TARBP1: variants seen among roughly 807,000 people sequenced by gnomAD.
TARBP1 encodes the protein tRNA guanosine 2 -O-methyltransferase TARBP1.
TARBP1 carries 144 observed loss-of-function variants against 178.6 expected under a neutral mutation model. That is an observed-to-expected ratio of 0.81 (90% CI 0.70 to 0.93). TARBP1 has a LOEUF of 0.93. Ranked by LOEUF, TARBP1 falls within the 40% of genes least tolerant of loss-of-function variation. The pLI is 0.00. For missense variants in TARBP1, 2,067 were observed against 2,011.7 expected (o/e 1.03, Z -0.53); for synonymous variants, 787 against 781.0 (o/e 1.01, Z -0.13).
At position 234,472,814 on chromosome 1, in the gene TARBP1, G is replaced by C. The variant is rs1488952135; in HGVS notation, c.932-3C>G. 8.8e-6 allele frequency: 14 copies of C among 1,586,720 alleles called. No individual in the cohort carries two copies. Among genetic ancestry groups the C allele is most frequent in the Non-Finnish European group, 1.2e-5 (14 of 1,172,432 alleles). The stretch of plus-strand genomic sequence containing the variant: ...AGACCACCAAAACAGACTTGGGCCT[G>C]ATATGGTTTAAAAAAGAAAATTAGT... On this transcript the variant is annotated splice_polypyrimidine_tract_variant and splice_region_variant and intron_variant, in intron 1 of 29. Transcript: ENST00000040877.
chr1:234,393,288 CTTTTA>C (rs1237065788), intron 28 of TARBP1, 69 bp downstream of exon 28: 27 of 1,324,518 alleles, frequency 2.0e-5, no homozygotes, highest in Admixed American at 3.0e-5. Flanking sequence ...TTTTTTTAAA[CTTTTA>C]TTTTAGGTTC....
chr1:234,473,437 A>G (rs75859973), intron 1 of TARBP1, among the ~76,000 whole-genome samples: 11,534 of 152,234 alleles, frequency 0.076, 499 homozygotes, highest in African/African-American at 0.12. Context: ...TGCGTCTCTG[A>G]ATTGGGAGGC....
At chr1:234,458,252 G>T (rs1226629709) in intron 8 of TARBP1, among the ~76,000 whole-genome samples, 1 of 152,178 alleles carries the variant, frequency 6.6e-6, no homozygotes, top group Non-Finnish European at 1.5e-5. Context: ...GCTGAGGCAG[G>T]AGAATCACTT....
chr1:234,455,695 T>C lies in TARBP1; in HGVS notation c.1722+1972A>G, dbSNP rs80112415. Among the ~76,000 whole-genome samples, 563 of 152,188 alleles carry C rather than the reference T, an allele frequency of 3.7e-3. 3 individuals carry two copies. The highest frequency in any genetic ancestry group is 0.013 in the African/African-American group (521 of 41,512). On this transcript the variant is annotated intron_variant, in intron 9 of 29. Coordinates refer to ENST00000040877, the MANE Select transcript of TARBP1 (RefSeq NM_005646.4). ...ACAGAAATAAGACACTTCTGACCAA[T>C]AGTTTTAATCTTCAAATCACGTAAA...
At chr1:234,419,049 G>A (rs139222696) in intron 21 of TARBP1, among the ~76,000 whole-genome samples, 14,578 of 152,060 alleles carry the variant, frequency 0.096, 977 homozygotes, top group East Asian at 0.31. Flanking sequence ...GTGGGCGCCT[G>A]TAGTCCCAGC....
intron 22 of TARBP1, 94 bp downstream of exon 22, chr1:234,417,990 G>A: frequency 1.3e-6 from 1 of 753,290 alleles, no homozygotes; most frequent in South Asian, 3.2e-5. Context: ...GGGCAACTGA[G>A]AGTCAAAAAC....
intron 10 of TARBP1, 24 bp from the exon 11 acceptor site, chr1:234,448,603 T>A (rs1335768785): frequency 6.3e-7 from 1 of 1,590,170 alleles, no homozygotes; most frequent in East Asian, 2.2e-5. Flanking sequence ...AGTTAAGGTT[T>A]GCAAAGCATT....
chr1:234,417,489 GCAT>G (rs1374038503), intron 22 of TARBP1, among the ~76,000 whole-genome samples: 3 of 152,174 alleles, frequency 2.0e-5, no homozygotes, highest in African/African-American at 7.2e-5. Flanking sequence ...CCAAAAGAAA[GCAT>G]TCAAGATATA....
chr1:234,405,978 CTT>C lies in TARBP1; in HGVS notation c.3912_3913del (p.Ser1305CysfsTer2). On this transcript the variant is annotated frameshift_variant, in exon 24 of 30. Coordinates refer to ENST00000040877, the MANE Select transcript of TARBP1 (RefSeq NM_005646.4). LOFTEE classifies it high-confidence loss of function. Reference sequence around the variant, plus strand: ...AGTCAGGGCATCAAATTCTTCAACACTTAACACTTTACACACAGTCCAGAGTT... The same window carrying C: ...AGTCAGGGCATCAAATTCTTCAACACAACACTTTACACACAGTCCAGAGTT... 1 of 1,614,200 alleles carries C rather than the reference CTT, an allele frequency of 6.2e-7. No individual in the cohort carries two copies. The highest frequency in any genetic ancestry group is 8.5e-7 in the Non-Finnish European group (1 of 1,180,022).
Position 234,401,264 on chromosome 1 carries a change from TA to T in TARBP1, c.3990-3del. 6.2e-7 allele frequency: 1 copy of T among 1,611,040 alleles called. No homozygotes were observed. On this transcript the variant is annotated splice_region_variant and splice_polypyrimidine_tract_variant and intron_variant, in intron 24 of 29. Coordinates refer to ENST00000040877, the MANE Select transcript of TARBP1 (RefSeq NM_005646.4). ...CGTTGCCAATTCTTCTTGGCATTCC[TA>T]AGGATTAAAAATATGGTATGAGCCA...
chr1:234,433,121 C>G (rs544551729), intron 14 of TARBP1, among the ~76,000 whole-genome samples: 2 of 152,180 alleles, frequency 1.3e-5, no homozygotes, highest in South Asian at 2.1e-4. Context: ...ACCTGTAATC[C>G]CAGCTACTCA....
At chr1:234,445,877 A>G (rs1009025626) in intron 12 of TARBP1, among the ~76,000 whole-genome samples, 1 of 151,846 alleles carries the variant, frequency 6.6e-6, no homozygotes, top group African/African-American at 2.4e-5. Context: ...AATTATGGCA[A>G]TTTTTCAAGA....
In TARBP1 at chr1:234,478,396, C is replaced by G; in HGVS notation, c.708G>C (p.Leu236=). The G allele has an allele frequency of 7.4e-7, 1 of 1,356,558 alleles. No homozygotes were observed. Among genetic ancestry groups the G allele is most frequent in the Middle Eastern group, 2.7e-4 (1 of 3,676 alleles). The allele number at this position is 1,356,558 out of a possible 1,614,324, so 84.0% of individuals were successfully genotyped here. Residue 236 remains leucine (L), a synonymous_variant, in exon 1 of 30, where the codon CTG becomes CTC. Transcript: ENST00000040877. The part of the protein sequence containing the change: ...VEEKLLVLSA[L]AEKLLPEPGG... ...CGGGCTCGGGCAACAGCTTCTCGGCCAGGGCGCTCAGGACCAGCAGCTTCT... is the reference window on the plus strand; with the variant it reads ...CGGGCTCGGGCAACAGCTTCTCGGCGAGGGCGCTCAGGACCAGCAGCTTCT...
chr1:234,466,387 C>A (rs1668439976), intron 4 of TARBP1, among the ~76,000 whole-genome samples: 1 of 152,034 alleles, frequency 6.6e-6, no homozygotes, highest in African/African-American at 2.4e-5. Flanking sequence ...TGGCGTGCAC[C>A]TGTAGTCCCA....
chr1:234,440,642 G>C (rs752707334), intron 12 of TARBP1, among the ~76,000 whole-genome samples: 5 of 152,078 alleles, frequency 3.3e-5, no homozygotes, highest in Non-Finnish European at 7.4e-5. Context: ...AAAATCCCAA[G>C]GAACCTTCAA....
In TARBP1 at chr1:234,450,560, C is replaced by G; in HGVS notation, c.1729G>C (p.Asp577His). 6.2e-7 allele frequency: 1 copy of G among 1,606,174 alleles called. No homozygotes were observed. ...RGTSLWTELC[D>H]WLRVNESYFK... ...TAGCTTTCATTAACACGTAGCCAGT[C>G]ACACAGCTGGAAAAGAAAACAGTTA... Residue 577 changes from aspartate (D) to histidine (H), a missense_variant, in exon 10 of 30, where the codon GAC (aspartate) becomes CAC (histidine). Asp to His is a moderately conservative substitution (Grantham distance 81, BLOSUM62 -1). Transcript: ENST00000040877.
rs1667722078 is a variant in TARBP1, at chr1:234,460,289, G to C, written c.1507C>G (p.Leu503Val). The C allele has an allele frequency of 6.2e-7, 1 of 1,614,076 alleles. No individual in the cohort carries two copies. The highest frequency in any genetic ancestry group is 1.6e-4 in the Middle Eastern group (1 of 6,062). The change falls in exon 7 of 30, where the codon CTG becomes GTG. Residue 503 changes from leucine (L) to valine (V), a missense_variant. Coordinates refer to ENST00000040877, the MANE Select transcript of TARBP1 (RefSeq NM_005646.4). ...ALANVPRHKA[L>V]GIDGLLALRD... ...AGAGCAAGAAGCCCATCTATACCCA[G>C]GGCCTTATGTCTTGGGACATTTGCC...
chr1:234,450,753 TATATTTA>T (rs1666665032), intron 9 of TARBP1, among the ~76,000 whole-genome samples, 187 bp from the exon 10 acceptor site: 1 of 150,488 alleles, frequency 6.6e-6, no homozygotes, highest in Non-Finnish European at 1.5e-5. Context: ...TATGTGTATA[TATATTTA>T]TGTATGCGTA....
rs1663928120 is a variant in TARBP1, at chr1:234,427,618, A to C, written c.3209T>G (p.Leu1070Arg). The C allele has an allele frequency of 1.2e-6, 2 of 1,600,598 alleles. No individual in the cohort carries two copies. The highest frequency in any genetic ancestry group is 2.2e-5 in the East Asian group (1 of 44,584). ...SSAKNYSELI[L>R]EACIFGTVFR... ...CACAGTTCCAAATATACAAGCCTCA[A>C]GGATAAGTTCGCTATAATTTTTAGC... Residue 1070 changes from leucine (L) to arginine (R), a missense_variant, in exon 18 of 30, where the codon CTT becomes CGT. Leu to Arg is a moderately radical substitution (Grantham distance 102, BLOSUM62 -2). Coordinates refer to ENST00000040877, the MANE Select transcript of TARBP1 (RefSeq NM_005646.4).
Sources: gnomAD v4.1 joint callset for allele counts (sites outside exome capture counted in the v4.1 genomes callset) on GRCh38, gnomAD v4.1.1 for gene constraint, MANE v1.5 for transcripts, NCBI Gene and HGNC (gene_info 2026-07-23, HGNC 2026-07-21) for gene names.